Variants in MECOM observed in about 807,000 individuals in gnomAD.
MECOM encodes the protein histone-lysine N-methyltransferase MECOM.
MECOM carries 13 observed loss-of-function variants against 116.3 expected under a neutral mutation model. The observed-to-expected ratio is 0.11, with a 90% CI of 0.07 to 0.18. The LOEUF is 0.18. Among genes scored for constraint, MECOM ranks in the 10% least tolerant of loss-of-function variants. The pLI, the probability that MECOM is intolerant of heterozygous loss-of-function variation, is 1.00. For missense variants in MECOM, 1,299 were observed against 1,509.0 expected, an observed-to-expected ratio of 0.86 and a Z score of 2.31; for synonymous variants, 528 against 535.2, an observed-to-expected ratio of 0.99 and a Z score of 0.19.
At chr3:169,210,583 T>C (rs1409374427) in intron 2 of MECOM, among the ~76,000 whole-genome samples, 1 of 152,166 alleles carries the variant, frequency 6.6e-6, no homozygotes, top group East Asian at 1.9e-4. Flanking sequence ...AAGAAGCTAA[T>C]CAGAAGAAAT....
At chr3:169,170,307 TGA>T (rs1744210631) in intron 2 of MECOM, among the ~76,000 whole-genome samples, 1 of 146,890 alleles carries the variant, frequency 6.8e-6, no homozygotes, top group Non-Finnish European at 1.5e-5. Flanking sequence ...CTTGGGAGGC[TGA>T]GGCAGGAGAA....
intron 2 of MECOM, among the ~76,000 whole-genome samples, chr3:169,178,653 C>T (rs1388334496): frequency 2.0e-5 from 3 of 152,164 alleles, no homozygotes; most frequent in African/African-American, 7.2e-5. Context: ...ATGATAGGTT[C>T]TGCCATGTTT....
chr3:169,566,867 CT>C (rs1165376376), intron 1 of MECOM, among the ~76,000 whole-genome samples: 1 of 152,254 alleles, frequency 6.6e-6, no homozygotes, highest in Non-Finnish European at 1.5e-5. Flanking sequence ...TATATCCCAA[CT>C]TTCTTAAAAT....
intron 2 of MECOM, among the ~76,000 whole-genome samples, chr3:169,242,064 T>A (rs1223447024): frequency 1.3e-5 from 2 of 152,260 alleles, no homozygotes; most frequent in Non-Finnish European, 2.9e-5. Flanking sequence ...GTGTTTCATA[T>A]GTCACCAGCT....
chr3:169,115,998 G>C lies in MECOM; in HGVS notation c.1874C>G (p.Pro625Arg). The C allele has an allele frequency of 6.2e-7, 1 of 1,614,138 alleles. No individual in the cohort carries two copies. Among genetic ancestry groups the C allele is most frequent in the Non-Finnish European group, 8.5e-7 (1 of 1,180,030 alleles). ...NGKMFKDKVS[P>R]LQNLASINNK... The stretch of plus-strand genomic sequence containing the variant: ...ATTTATTGAAGCCAGATTCTGAAGA[G>C]GGCTTACTTTGTCTTTGAACATTTT... The change falls in exon 8 of 17, where the codon CCT (proline) becomes CGT (arginine). Residue 625 changes from proline to arginine, a missense_variant. Pro to Arg is a moderately radical substitution (Grantham distance 103). Coordinates refer to ENST00000651503, the MANE Select transcript of MECOM (RefSeq NM_004991.4).
At chr3:169,323,527 A>T (rs1721280567) in intron 2 of MECOM, among the ~76,000 whole-genome samples, 1 of 152,228 alleles carries the variant, frequency 6.6e-6, no homozygotes, top group Non-Finnish European at 1.5e-5. Context: ...TCTAAAAGCA[A>T]CAGTATGTCA....
chr3:169,454,790 C>T (rs1432520247), intron 1 of MECOM, among the ~76,000 whole-genome samples: 1 of 152,180 alleles, frequency 6.6e-6, no homozygotes, highest in Non-Finnish European at 1.5e-5. Context: ...TGGTCCTTCA[C>T]AGGCAGAAAA....
intron 2 of MECOM, among the ~76,000 whole-genome samples, chr3:169,171,173 G>T (rs1299282283): frequency 3.9e-5 from 6 of 152,114 alleles, no homozygotes; most frequent in Non-Finnish European, 5.9e-5. Context: ...TTGTGGCAAA[G>T]AAACAATAAT....
In MECOM at chr3:169,262,559, G is replaced by T. The variant is rs371146732; in HGVS notation, c.375+118628C>A. Among the ~76,000 whole-genome samples the T allele has an allele frequency of 3.9e-5, 6 of 152,220 alleles. No homozygotes were observed. In the East Asian group the frequency reaches 1.2e-3, roughly 30 times the overall value. ...CCAATGAAATGTAGGTGAAGGCCAC[G>T]GGTCACGTTAGGCTGGGCTCTTTAG... On this transcript the variant is annotated intron_variant, in intron 2 of 16. Coordinates refer to ENST00000651503, the MANE Select transcript of MECOM (RefSeq NM_004991.4).
At chr3:169,266,900 G>A (rs551691319) in intron 2 of MECOM, among the ~76,000 whole-genome samples, 66 of 151,142 alleles carry the variant, frequency 4.4e-4, no homozygotes, top group Non-Finnish European at 6.8e-4. Flanking sequence ...AAAAAAGGAA[G>A]GAAGGAAAGA....
intron 1 of MECOM, among the ~76,000 whole-genome samples, chr3:169,502,646 T>C (rs370571447): frequency 2.0e-5 from 3 of 152,144 alleles, no homozygotes; most frequent in Non-Finnish European, 4.4e-5. Context: ...CTGCCACAGA[T>C]AAAGATGATC....
chr3:169,443,562 G>GCTTTAACC lies in MECOM; in HGVS notation c.38-62046_38-62039dup, dbSNP rs1216177741. Among the ~76,000 whole-genome samples the GCTTTAACC allele has an allele frequency of 9.2e-5, 14 of 152,236 alleles. No individual in the cohort carries two copies. In the Middle Eastern group the frequency reaches 0.01, roughly 111 times the overall value. ...CTCTATCTGCCCTCAAATAGTTAAG[G>GCTTTAACC]CTTTAACCTGTCTTCTGTTCCCATC... On this transcript the variant is annotated intron_variant, in intron 1 of 16. Transcript: ENST00000651503.
At chr3:169,496,102 A>G (rs1205120207) in intron 1 of MECOM, among the ~76,000 whole-genome samples, 1 of 152,192 alleles carries the variant, frequency 6.6e-6, no homozygotes, top group Non-Finnish European at 1.5e-5. Context: ...AACAAGAAAA[A>G]GCCCTGTTGT....
At chr3:169,236,396 C>T (rs1305941288) in intron 2 of MECOM, among the ~76,000 whole-genome samples, 4 of 151,920 alleles carry the variant, frequency 2.6e-5, no homozygotes, top group African/African-American at 7.3e-5. Flanking sequence ...CTAAAAATGA[C>T]GTGGTTTTTA....
intron 1 of MECOM, among the ~76,000 whole-genome samples, chr3:169,455,003 G>A (rs936637841): frequency 6.6e-5 from 10 of 152,116 alleles, no homozygotes; most frequent in Non-Finnish European, 1.3e-4. Context: ...TCTATGTAGT[G>A]TCATCATGTC....
intron 1 of MECOM, among the ~76,000 whole-genome samples, chr3:169,514,056 C>G (rs574954171): frequency 1.3e-5 from 2 of 152,244 alleles, no homozygotes; most frequent in South Asian, 4.2e-4. Context: ...TACTTTACTA[C>G]CCCAAACCAA....
intron 2 of MECOM, among the ~76,000 whole-genome samples, chr3:169,266,883 G>A (rs1758377610): frequency 6.6e-6 from 1 of 150,566 alleles, no homozygotes. Context: ...AAGAGAGAGA[G>A]AGAAGGAAAA....
rs141152908 is a variant in MECOM, at chr3:169,605,551, G to A, written c.37+57785C>T. On this transcript the variant is annotated intron_variant, in intron 1 of 16. Transcript: ENST00000651503. Reference sequence around the variant, plus strand: ...AAACTAGACAATGCTGGAGGGTGCCGGTCTGTGCTAGACGACAAGACTAAG... The same window carrying A: ...AAACTAGACAATGCTGGAGGGTGCCAGTCTGTGCTAGACGACAAGACTAAG... 4.9e-3 allele frequency among the ~76,000 whole-genome samples: 749 copies of A among 152,274 alleles called. 3 individuals carry two copies. Among genetic ancestry groups the A allele is most frequent in the African/African-American group, 0.018 (730 of 41,556 alleles).
intron 2 of MECOM, among the ~76,000 whole-genome samples, chr3:169,183,865 TTTCTC>T (rs774123044): frequency 4.8e-5 from 6 of 126,080 alleles, no homozygotes; most frequent in South Asian, 3.3e-4. Flanking sequence ...TTTTTTCTTT[TTTCTC>T]TTTTTTTTTA....
Sources: gnomAD v4.1 joint callset for allele counts (sites outside exome capture counted in the v4.1 genomes callset) on GRCh38, gnomAD v4.1.1 for gene constraint, MANE v1.5 for transcripts, NCBI Gene and HGNC (gene_info 2026-07-23, HGNC 2026-07-21) for gene names.